The following ST3GAL6 variants were observed in gnomAD, a reference collection of about 807,000 sequenced individuals.
The protein encoded by ST3GAL6 is ST3 beta-galactoside alpha-2,3-sialyltransferase 6, also known as type 2 lactosamine alpha-2,3-sialyltransferase.
ST3GAL6 carries 31 observed loss-of-function variants against 40.5 expected under a neutral mutation model. That is an observed-to-expected ratio of 0.77 (90% CI 0.58 to 1.03). The LOEUF (loss-of-function observed/expected upper bound fraction) is 1.03. Among genes scored for constraint, ST3GAL6 ranks in the 50% least tolerant of loss-of-function variants. The pLI, the probability that ST3GAL6 is intolerant of heterozygous loss-of-function variation, is 0.00. For synonymous variants in ST3GAL6, 129 were observed against 136.9 expected (o/e 0.94, Z 0.40); for missense variants, 357 against 393.2 (o/e 0.91, Z 0.78).
At chr3:98,755,736 T>C (rs1415954596) in intron 1 of ST3GAL6, among the ~76,000 whole-genome samples, 1 of 152,166 alleles carries the variant, frequency 6.6e-6, no homozygotes, top group Non-Finnish European at 1.5e-5. Context: ...ATGCATTTTG[T>C]GTGTGCGTGT....
chr3:98,738,167 C>G (rs1035518506), intron 1 of ST3GAL6, among the ~76,000 whole-genome samples: 4 of 147,252 alleles, frequency 2.7e-5, no homozygotes, highest in Non-Finnish European at 5.9e-5. Flanking sequence ...TGCCAGGAGA[C>G]TTCTGTGAGT....
At chr3:98,775,300 ACCC>A (rs1209479748) in intron 5 of ST3GAL6, among the ~76,000 whole-genome samples, 1 of 152,006 alleles carries the variant, frequency 6.6e-6, no homozygotes, top group African/African-American at 2.4e-5. Flanking sequence ...ACATAGTGAA[ACCC>A]AGTCTCTACT....
In ST3GAL6 at chr3:98,773,994, T is replaced by G. The variant is rs770054524; in HGVS notation, c.335+11T>G. 1 of 1,607,344 alleles carries G rather than the reference T, an allele frequency of 6.2e-7. No individual in the cohort carries two copies. Among genetic ancestry groups the G allele is most frequent in the Non-Finnish European group, 8.5e-7 (1 of 1,174,620 alleles). ...TGATGAGTTTGACAAGTGAGTTTAT[T>G]TCCTTGCTTCTAGTCTGGCTTTTAG... On this transcript the variant is annotated intron_variant, in intron 5 of 9. Coordinates refer to ENST00000483910, the MANE Select transcript of ST3GAL6 (RefSeq NM_001323368.2).
At chr3:98,790,489 G>A (rs531431502) in intron 8 of ST3GAL6, among the ~76,000 whole-genome samples, 6 of 152,232 alleles carry the variant, frequency 3.9e-5, no homozygotes, top group African/African-American at 1.2e-4. Context: ...AGAAGACTAG[G>A]GCTGTTGCAG....
rs1941560810 is a variant in ST3GAL6 at position 98,795,747 on chromosome 3, A to C, written c.*1986A>C. On this transcript the variant is annotated 3_prime_UTR_variant, in exon 10 of 10. Transcript: ENST00000483910. ...CACAACCTGGATGATGGGATCATTC[A>C]TACCACAAACCTCAGTATCACACAA... 1 of 152,214 alleles carries C rather than the reference A, an allele frequency of 6.6e-6. No homozygotes were observed. The highest frequency in any genetic ancestry group is 1.5e-5 in the Non-Finnish European group (1 of 68,044). 9.4% of individuals were successfully genotyped at this position (152,214 alleles called of 1,614,324 possible).
intron 8 of ST3GAL6, among the ~76,000 whole-genome samples, chr3:98,789,782 TA>T (rs1941045805): frequency 6.6e-6 from 1 of 152,190 alleles, no homozygotes; most frequent in Non-Finnish European, 1.5e-5. Flanking sequence ...TATGATCAGG[TA>T]TATCTCTTGC....
intron 5 of ST3GAL6, among the ~76,000 whole-genome samples, chr3:98,777,560 G>T (rs765412849): frequency 6.6e-6 from 1 of 152,186 alleles, no homozygotes; most frequent in African/African-American, 2.4e-5. Context: ...ACCTTTAAAA[G>T]CAAACATGAT....
At chr3:98,740,247 T>A (rs923965375) in intron 1 of ST3GAL6, among the ~76,000 whole-genome samples, 3 of 130,642 alleles carry the variant, frequency 2.3e-5, no homozygotes, top group Non-Finnish European at 4.9e-5. Flanking sequence ...TTTTTTTTTT[T>A]ACAAATTTGA....
intron 1 of ST3GAL6, among the ~76,000 whole-genome samples, chr3:98,764,745 A>G (rs1938150279): frequency 6.6e-6 from 1 of 152,192 alleles, no homozygotes. Flanking sequence ...TTGTAAGTCT[A>G]CCACTTCTTT....
In ST3GAL6 at chr3:98,752,194, G is replaced by A. The variant is rs146039436; in HGVS notation, c.-11-16236G>A. ...GGAGCCCTCATAAAGAAGTAAAGACGCAAAGAAGCAGTTAGAGCCAGTTAC... is the reference window on the plus strand; with the variant it reads ...GGAGCCCTCATAAAGAAGTAAAGACACAAAGAAGCAGTTAGAGCCAGTTAC... On this transcript the variant is annotated intron_variant, in intron 1 of 9. Coordinates refer to the ST3GAL6 transcript ENST00000265261. 3.7e-3 allele frequency among the ~76,000 whole-genome samples: 568 copies of A among 152,096 alleles called. 2 individuals are homozygous for A. The highest frequency in any genetic ancestry group is 0.013 in the African/African-American group (544 of 41,504).
chr3:98,732,753 C>A, intron 1 of ST3GAL6: 1 of 1,125,622 alleles, frequency 8.9e-7, no homozygotes, highest in Non-Finnish European at 1.2e-6. Context: ...GGCAGGGCTG[C>A]TCCCTCCTCT....
chr3:98,792,031 G>C, intron 9 of ST3GAL6, 38 bp downstream of exon 9: 1 of 1,494,076 alleles, frequency 6.7e-7, no homozygotes, highest in East Asian at 2.4e-5. Context: ...CATATGCTTT[G>C]GACTAATCTT....
At chr3:98,788,776 C>G (rs561151230) in intron 8 of ST3GAL6, among the ~76,000 whole-genome samples, 21 of 152,268 alleles carry the variant, frequency 1.4e-4, no homozygotes, top group African/African-American at 4.3e-4. Flanking sequence ...GAGAGTCTGA[C>G]TGGGTGGGCT....
intron 1 of ST3GAL6, among the ~76,000 whole-genome samples, chr3:98,734,536 T>G (rs1935358416): frequency 6.6e-6 from 1 of 152,222 alleles, no homozygotes; most frequent in Admixed American, 6.5e-5. Context: ...GTCGCTTTCC[T>G]TGAATTGTAT....
chr3:98,795,346 G>GTACT lies in ST3GAL6; in HGVS notation c.*1588_*1591dup, dbSNP rs1190055360. The GTACT allele has an allele frequency of 1.3e-5, 2 of 152,266 alleles. No homozygotes were observed. The highest frequency in any genetic ancestry group is 2.1e-4 in the South Asian group (1 of 4,824). The allele number at this position is 152,266 out of a possible 1,614,324, so 9.4% of individuals were successfully genotyped here. On this transcript the variant is annotated 3_prime_UTR_variant, in exon 10 of 10. Transcript: ENST00000483910. The stretch of plus-strand genomic sequence containing the variant: ...AGATTTGGCTCAGAAACAGAATGCG[G>GTACT]TACTTATAAAGCAGAATAAAGGGGA...
At chr3:98,761,932 A>C (rs767869094), upstream of ST3GAL6, among the ~76,000 whole-genome samples, 4 of 152,212 alleles carry the variant, frequency 2.6e-5, no homozygotes, top group Non-Finnish European at 5.9e-5. Flanking sequence ...TGTGCTATTA[A>C]AGAAGAAAAT....
intron 2 of ST3GAL6, among the ~76,000 whole-genome samples, chr3:98,769,791 G>T (rs778300783): frequency 1.4e-5 from 2 of 148,082 alleles, no homozygotes; most frequent in African/African-American, 2.5e-5. Flanking sequence ...TCACCCAAAG[G>T]TTGTCTTCAC....
chr3:98,785,080 A>G, intron 6 of ST3GAL6, 40 bp downstream of exon 6: 1 of 1,423,360 alleles, frequency 7.0e-7, no homozygotes, highest in Non-Finnish European at 9.9e-7. Context: ...AATTGTTTCA[A>G]AAGAATATGG....
At chr3:98,753,791 C>G (rs1475540981) in intron 1 of ST3GAL6, among the ~76,000 whole-genome samples, 1 of 152,122 alleles carries the variant, frequency 6.6e-6, no homozygotes, top group Non-Finnish European at 1.5e-5. Context: ...TAGGGAGAAC[C>G]CATCTATTAA....
Sources: gnomAD v4.1 joint callset for allele counts (sites outside exome capture counted in the v4.1 genomes callset) on GRCh38, gnomAD v4.1.1 for gene constraint, MANE v1.5 for transcripts, NCBI Gene and HGNC (gene_info 2026-07-23, HGNC 2026-07-21) for gene names.